The following ZFYVE16 variants were observed in gnomAD, a reference collection of about 807,000 sequenced individuals.
ZFYVE16 encodes the protein zinc finger FYVE-type containing 16.
Under a neutral mutation model 138.1 loss-of-function variants are expected in ZFYVE16, and 89 were observed. That is an observed-to-expected ratio of 0.64 (90% CI 0.54 to 0.77). The LOEUF (loss-of-function observed/expected upper bound fraction) is 0.77, where lower values mean the gene tolerates loss of function less well. ZFYVE16 is among the 30% of genes least tolerant of loss of function. The pLI is 0.00. For missense variants in ZFYVE16, 1,793 were observed against 1,786.7 expected, an observed-to-expected ratio of 1.00 and a Z score of -0.06; for synonymous variants, 596 against 618.3, an observed-to-expected ratio of 0.96 and a Z score of 0.53.
At chr5:80,411,683 C>G (rs1235914625) in intron 1 of ZFYVE16, 1 of 152,296 alleles carries the variant, frequency 6.6e-6, no homozygotes. Flanking sequence ...TTGCCAGTTC[C>G]CAAATCTTTA....
At chr5:80,475,412 A>G (rs1185973134) in intron 18 of ZFYVE16, among the ~76,000 whole-genome samples, 3 of 152,230 alleles carry the variant, frequency 2.0e-5, no homozygotes, top group Non-Finnish European at 2.9e-5. Context: ...TACAATGTAA[A>G]TGGTTCCCAG....
intron 1 of ZFYVE16, among the ~76,000 whole-genome samples, chr5:80,426,873 A>G (rs1396020723): frequency 6.6e-6 from 1 of 152,176 alleles, no homozygotes; most frequent in South Asian, 2.1e-4. Context: ...CTGTCTTTGC[A>G]TAGAAGTGTT....
intron 12 of ZFYVE16, 144 bp from the exon 13 acceptor site, chr5:80,456,317 A>T (rs2112476075): frequency 3.3e-6 from 2 of 598,602 alleles, no homozygotes; most frequent in East Asian, 6.9e-5. Flanking sequence ...CTGTAACTAG[A>T]AAGTTACCCT....
rs145745171 is a variant in ZFYVE16 at position 80,473,856 on chromosome 5, C to G, written c.4290C>G (p.Thr1430=). 3 of 1,608,606 alleles carry G rather than the reference C, an allele frequency of 1.9e-6. No homozygotes were observed. Among genetic ancestry groups the G allele is most frequent in the East Asian group, 4.5e-5 (2 of 44,666 alleles). ...FETDEKIVKC[T]EVFYFLKDQD... is the part of the protein sequence containing the mutation. ...CCGATGAGAAGATTGTAAAATGTAC[C>G]GAGGTAACTAAGAAAGAAGGTCCCT... Residue 1430 remains threonine, a synonymous_variant, in exon 17 of 19, where the codon ACC becomes ACG. Coordinates refer to ENST00000505560, the MANE Select transcript of ZFYVE16 (RefSeq NM_001284236.3).
In ZFYVE16 at chr5:80,422,523, C is replaced by T. The variant is rs200526015; in HGVS notation, c.-93-4969C>T. Among the ~76,000 whole-genome samples, 19 of 152,270 alleles carry T rather than the reference C, an allele frequency of 1.2e-4. No homozygotes were observed. In the East Asian group the frequency reaches 2.5e-3, roughly 20 times the overall value. On this transcript the variant is annotated intron_variant, in intron 1 of 18. Transcript: ENST00000505560. ...AGGCTGGAGTTCAGTGGCGTGATCT[C>T]GGGTCACTGCAACCTCCGCCTCCCG... is the stretch of plus-strand genomic sequence containing the variant.
At chr5:80,410,610 C>A (rs1214502403) in intron 1 of ZFYVE16, among the ~76,000 whole-genome samples, 1 of 151,722 alleles carries the variant, frequency 6.6e-6, no homozygotes, top group South Asian at 2.1e-4. Flanking sequence ...CTCGCTCTTT[C>A]GCCAGGCTGG....
At position 80,480,174 on chromosome 5, in the gene ZFYVE16, T is replaced by C. The variant is rs558635425; in HGVS notation, c.*2797T>C. Among the ~76,000 whole-genome samples the C allele has an allele frequency of 6.6e-6, 1 of 152,034 alleles. No individual in the cohort carries two copies. The highest frequency in any genetic ancestry group is 2.1e-4 in the South Asian group (1 of 4,834). ...AGCAATGAAAACAAACTCACAGATA[T>C]AGGTATTAGATTTGTTTTCTTTGTT... On this transcript the variant is annotated 3_prime_UTR_variant, in exon 19 of 19. Transcript: ENST00000505560.
rs78060073 is a variant in ZFYVE16, at chr5:80,443,469, C to T, written c.2581+185C>T. Among the ~76,000 whole-genome samples, 670 of 152,278 alleles carry T rather than the reference C, an allele frequency of 4.4e-3. 7 individuals are homozygous for T. The highest frequency in any genetic ancestry group is 0.015 in the African/African-American group (636 of 41,556). ...GCAAAAAGGCTGTGCTCAAGTGCCG[C>T]AGCAATTAGTAACTGCAGGAAGCAA... On this transcript the variant is annotated intron_variant, in intron 6 of 18. Coordinates refer to ENST00000505560, the MANE Select transcript of ZFYVE16 (RefSeq NM_001284236.3).
At chr5:80,421,251 G>C (rs573106027) in intron 1 of ZFYVE16, among the ~76,000 whole-genome samples, 2 of 152,150 alleles carry the variant, frequency 1.3e-5, no homozygotes, top group African/African-American at 2.4e-5. Context: ...TAGGTTGCCT[G>C]TTCACTCTGA....
rs1755071972 is a variant in ZFYVE16, at chr5:80,478,042, G to A, written c.*665G>A. 6.6e-6 allele frequency: 1 copy of A among 151,896 alleles called. No homozygotes were observed. Among genetic ancestry groups the A allele is most frequent in the African/African-American group, 2.4e-5 (1 of 41,380 alleles). 9.4% of individuals were successfully genotyped at this position (151,896 alleles called of 1,614,324 possible). The stretch of plus-strand genomic sequence containing the variant: ...TAAATGGATATTAAAATAATTGCGG[G>A]TGCTTCAGGACTTTTTGCTTCTATA... On this transcript the variant is annotated 3_prime_UTR_variant, in exon 19 of 19. Transcript: ENST00000505560.
rs751152102 is a variant in ZFYVE16 at position 80,437,276 on chromosome 5, A to C, written c.591A>C (p.Gln197His). 6.2e-7 allele frequency: 1 copy of C among 1,610,746 alleles called. No homozygotes were observed. Among genetic ancestry groups the C allele is most frequent in the Non-Finnish European group, 8.5e-7 (1 of 1,178,274 alleles). Reference sequence around the variant, plus strand: ...AGAATGATATCAGTTCTGAATTACAAAATAGAGAAATCGGAGGAATCAAAG... The same window carrying C: ...AGAATGATATCAGTTCTGAATTACACAATAGAGAAATCGGAGGAATCAAAG... The part of the protein sequence containing the change: ...EQQNDISSEL[Q>H]NREIGGIKEL... The change falls in exon 4 of 19, where the codon CAA (glutamine) becomes CAC (histidine). Residue 197 changes from glutamine (Q) to histidine (H), a missense_variant. Physicochemically the swap from Gln to His is conservative, Grantham distance 24. Coordinates refer to ENST00000505560, the MANE Select transcript of ZFYVE16 (RefSeq NM_001284236.3).
At chr5:80,434,314 A>G in intron 3 of ZFYVE16, 97 bp downstream of exon 3, 1 of 1,282,532 alleles carries the variant, frequency 7.8e-7, no homozygotes, top group East Asian at 2.3e-5. Context: ...ATTTTCTTTC[A>G]ATTTTGGTCA....
intron 15 of ZFYVE16, among the ~76,000 whole-genome samples, chr5:80,467,646 A>G (rs1226013728): frequency 6.6e-6 from 1 of 152,222 alleles, no homozygotes; most frequent in Non-Finnish European, 1.5e-5. Flanking sequence ...TGTGAAGAAG[A>G]CAAAATCTGA....
chr5:80,427,190 T>C (rs1748210752), intron 1 of ZFYVE16, among the ~76,000 whole-genome samples: 1 of 152,122 alleles, frequency 6.6e-6, no homozygotes. Flanking sequence ...CGGCCACACA[T>C]AAATGTCTTC....
At chr5:80,453,880 T>C (rs1561306014) in intron 11 of ZFYVE16, 1 of 152,354 alleles carries the variant, frequency 6.6e-6, no homozygotes, top group East Asian at 1.9e-4. Flanking sequence ...TTGAATACCA[T>C]TAAATGTTCA....
chr5:80,433,141 T>C (rs1314536480), intron 2 of ZFYVE16, among the ~76,000 whole-genome samples: 4 of 152,160 alleles, frequency 2.6e-5, no homozygotes, highest in East Asian at 1.9e-4. Context: ...TGCACACATA[T>C]GTTTATTGCG....
chr5:80,474,097 A>G (rs976194751), intron 17 of ZFYVE16, among the ~76,000 whole-genome samples: 1 of 152,210 alleles, frequency 6.6e-6, no homozygotes, highest in African/African-American at 2.4e-5. Flanking sequence ...CAGCATTGCC[A>G]TCTTTGTACT....
At chr5:80,435,282 C>A (rs1024277294) in intron 3 of ZFYVE16, among the ~76,000 whole-genome samples, 1 of 152,190 alleles carries the variant, frequency 6.6e-6, no homozygotes, top group Admixed American at 6.5e-5. Context: ...ATCCACCCGC[C>A]TCAGCCTCCC....
chr5:80,472,424 G>T (rs1182204833), intron 15 of ZFYVE16, among the ~76,000 whole-genome samples: 2 of 151,746 alleles, frequency 1.3e-5, no homozygotes, highest in Non-Finnish European at 2.9e-5. Context: ...TCCCTCTAGG[G>T]ATCTCAGTAT....
Sources: allele counts gnomAD v4.1 joint callset (sites outside exome capture counted in the v4.1 genomes callset), GRCh38; gene constraint gnomAD v4.1.1; transcripts MANE v1.5; gene names NCBI Gene and HGNC (gene_info 2026-07-23, HGNC 2026-07-21).